Variants in RNLS observed in about 807,000 individuals in gnomAD.
The protein encoded by RNLS is renalase.
A neutral mutation model predicts 39.8 loss-of-function variants in RNLS; 39 were observed. The ratio of observed to expected loss-of-function variants is 0.98; its 90% CI spans 0.76 to 1.28. RNLS has a LOEUF of 1.28. Ranked by LOEUF, RNLS falls within the 50% of genes most tolerant of loss-of-function variation. The probability of loss-of-function intolerance (pLI) is 0.00; values close to 1 mark genes in which losing one functional copy is unlikely to be tolerated. For synonymous variants in RNLS, 147 were observed against 150.7 expected, an observed-to-expected ratio of 0.98 and a Z score of 0.18; for missense variants, 410 against 413.3, an observed-to-expected ratio of 0.99 and a Z score of 0.07.
At chr10:88,477,459 G>A (rs184574803) in intron 4 of RNLS, among the ~76,000 whole-genome samples, 1 of 152,204 alleles carries the variant, frequency 6.6e-6, no homozygotes, top group East Asian at 1.9e-4. Context: ...AGCGATGGTG[G>A]GGATGACAAT....
the RNLS span, among the ~76,000 whole-genome samples, chr10:88,250,734 T>C: frequency 6.6e-6 from 1 of 152,216 alleles, no homozygotes; most frequent in Non-Finnish European, 1.5e-5. Flanking sequence ...AAGGCCGGAT[T>C]CCGCCCTCAT....
At chr10:88,533,992 G>C (rs1425053059) in intron 4 of RNLS, among the ~76,000 whole-genome samples, 1 of 152,004 alleles carries the variant, frequency 6.6e-6, no homozygotes. Context: ...GGAGGAGAGA[G>C]AAGAAATAAC....
chr10:88,374,094 AATAACAATTATTG>A (rs2133450247), intron 4 of RNLS, among the ~76,000 whole-genome samples: 1 of 152,190 alleles, frequency 6.6e-6, no homozygotes, highest in Non-Finnish European at 1.5e-5. Flanking sequence ...GGCAAAAAAT[AATAACAATTATTG>A]TTATTGTTGC....
At chr10:88,272,097 T>C (rs902959603), downstream of RNLS, among the ~76,000 whole-genome samples, 1 of 152,218 alleles carries the variant, frequency 6.6e-6, no homozygotes, top group Non-Finnish European at 1.5e-5. Context: ...AGGTGGTCAG[T>C]GTGCCCCAGC....
the RNLS span, among the ~76,000 whole-genome samples, chr10:88,203,547 G>C: frequency 6.8e-6 from 1 of 146,394 alleles, no homozygotes; most frequent in Non-Finnish European, 1.5e-5. Flanking sequence ...AGTGGTTCAA[G>C]GACCGTTTAC....
chr10:88,427,841 T>C (rs752414498), intron 4 of RNLS, among the ~76,000 whole-genome samples: 2 of 151,996 alleles, frequency 1.3e-5, no homozygotes, highest in Non-Finnish European at 2.9e-5. Context: ...GCTTATGATC[T>C]CACTTCATAT....
chr10:88,224,771 T>A, the RNLS span, among the ~76,000 whole-genome samples: 3 of 152,226 alleles, frequency 2.0e-5, no homozygotes, highest in Admixed American at 2.0e-4. Context: ...TCTGTTTATG[T>A]CAAGGTCATA....
the RNLS span, among the ~76,000 whole-genome samples, chr10:88,176,045 T>C: frequency 1.3e-5 from 2 of 152,262 alleles, no homozygotes; most frequent in African/African-American, 4.8e-5. Context: ...TTTTGGTTTC[T>C]GTTTGTGTGG....
chr10:88,415,350 A>G (rs1159632404), intron 4 of RNLS, among the ~76,000 whole-genome samples: 1 of 152,218 alleles, frequency 6.6e-6, no homozygotes, highest in Non-Finnish European at 1.5e-5. Context: ...TCAAGAGTGC[A>G]TTGAGGTTGT....
chr10:88,263,317 T>G, the RNLS span, among the ~76,000 whole-genome samples: 1 of 152,142 alleles, frequency 6.6e-6, no homozygotes, highest in Non-Finnish European at 1.5e-5. Context: ...TCTGAGTGTC[T>G]AGAACAATTT....
the RNLS span, among the ~76,000 whole-genome samples, chr10:88,174,810 T>C: frequency 6.6e-6 from 1 of 152,174 alleles, no homozygotes. Flanking sequence ...CTTAAATTTT[T>C]TGGAATAGTT....
chr10:88,443,779 C>T (rs1289817709), intron 4 of RNLS, among the ~76,000 whole-genome samples: 10 of 152,308 alleles, frequency 6.6e-5, no homozygotes, highest in Admixed American at 2.0e-4. Context: ...GGGGAAGGGG[C>T]GCCCGCCATT....
At chr10:88,252,161 A>G in the RNLS span, among the ~76,000 whole-genome samples, 1 of 152,166 alleles carries the variant, frequency 6.6e-6, no homozygotes, top group Non-Finnish European at 1.5e-5. Context: ...CCACCCCAGG[A>G]CGCTTTTCCA....
chr10:88,544,903 T>A (rs1483245410), intron 4 of RNLS, among the ~76,000 whole-genome samples: 1 of 152,182 alleles, frequency 6.6e-6, no homozygotes, highest in Admixed American at 6.5e-5. Flanking sequence ...GTTTGAAAGA[T>A]GGTATATACC....
At chr10:88,482,817 T>C (rs897185509) in intron 4 of RNLS, among the ~76,000 whole-genome samples, 2 of 152,140 alleles carry the variant, frequency 1.3e-5, no homozygotes, top group Admixed American at 1.3e-4. Flanking sequence ...TTTTTTATTG[T>C]TGCCATTTGT....
intron 4 of RNLS, among the ~76,000 whole-genome samples, chr10:88,453,857 C>T (rs1265476106): frequency 6.6e-6 from 1 of 152,168 alleles, no homozygotes; most frequent in African/African-American, 2.4e-5. Flanking sequence ...TTTATATTAC[C>T]TGTTTTTTAA....
At chr10:88,470,343 T>G (rs1182388742) in intron 4 of RNLS, among the ~76,000 whole-genome samples, 1 of 152,078 alleles carries the variant, frequency 6.6e-6, no homozygotes, top group African/African-American at 2.4e-5. Flanking sequence ...TTCGCAATAG[T>G]AAAGACATGG....
Position 88,540,990 on chromosome 10 carries a change from C to CAAA in RNLS, c.526+31910_526+31912dup, listed in dbSNP as rs34561003. Among the ~76,000 whole-genome samples the CAAA allele has an allele frequency of 3.6e-3, 481 of 131,922 alleles. 7 individuals are homozygous for CAAA. The highest frequency in any genetic ancestry group is 0.017 in the Middle Eastern group (4 of 240). The allele number at this position is 131,922 out of a possible 152,430, so 86.5% of individuals were successfully genotyped here. Reference sequence around the variant, plus strand: ...GTCATCATAAGTCCCTCCTTACTGCCAAAAAAAAAAAAAAAGTACATTTCT... The same window carrying CAAA: ...GTCATCATAAGTCCCTCCTTACTGCCAAAAAAAAAAAAAAAAAAGTACATTTCT... On this transcript the variant is annotated intron_variant, in intron 4 of 6. Coordinates refer to ENST00000331772, the MANE Select transcript of RNLS (RefSeq NM_001031709.3).
At chr10:88,268,075 T>C in the RNLS span, among the ~76,000 whole-genome samples, 1 of 152,212 alleles carries the variant, frequency 6.6e-6, no homozygotes, top group Non-Finnish European at 1.5e-5. Context: ...TTTTCAAAGA[T>C]TTTGAACTGC....
Sources: allele counts gnomAD v4.1 joint callset (sites outside exome capture counted in the v4.1 genomes callset), GRCh38; gene constraint gnomAD v4.1.1; transcripts MANE v1.5; gene names NCBI Gene and HGNC (gene_info 2026-07-23, HGNC 2026-07-21).